PEX5L: variants seen among roughly 807,000 people sequenced by gnomAD.
PEX5L encodes PEX5-related protein.
In PEX5L, 30 loss-of-function variants were observed where a neutral mutation model predicts 84.0. The observed-to-expected ratio is 0.36, with a 90% CI of 0.27 to 0.48. The LOEUF is 0.48. Ranked by LOEUF, PEX5L falls within the 20% of genes least tolerant of loss-of-function variation. PEX5L has a pLI of 0.99. For missense variants in PEX5L, 533 were observed against 754.6 expected (o/e 0.71, Z 3.44); for synonymous variants, 270 against 283.1 (o/e 0.95, Z 0.46).
intron 8 of PEX5L, among the ~76,000 whole-genome samples, chr3:179,830,215 G>A (rs138135718): frequency 6.6e-6 from 1 of 151,902 alleles, no homozygotes; most frequent in Non-Finnish European, 1.5e-5. Flanking sequence ...TTTTGGCAGA[G>A]AAAGTCCAAT....
chr3:179,894,923 G>A (rs1274671367), intron 3 of PEX5L, among the ~76,000 whole-genome samples: 2 of 152,032 alleles, frequency 1.3e-5, no homozygotes, highest in African/African-American at 2.4e-5. Flanking sequence ...AGAGAGAAAA[G>A]TATTCACTAA....
chr3:179,810,315 C>T (rs1419639790), intron 11 of PEX5L, among the ~76,000 whole-genome samples: 1 of 151,838 alleles, frequency 6.6e-6, no homozygotes, highest in Non-Finnish European at 1.5e-5. Flanking sequence ...CCTCTACTAC[C>T]AATATATTAA....
chr3:179,934,659 A>T (rs1432339899), intron 2 of PEX5L, among the ~76,000 whole-genome samples: 1 of 152,212 alleles, frequency 6.6e-6, no homozygotes, highest in Non-Finnish European at 1.5e-5. Flanking sequence ...AATAAAAATT[A>T]TCTAACCAGA....
At chr3:179,976,200 G>C (rs1044623145) in intron 1 of PEX5L, among the ~76,000 whole-genome samples, 3 of 152,194 alleles carry the variant, frequency 2.0e-5, no homozygotes, top group Non-Finnish European at 4.4e-5. Flanking sequence ...CGAATTAGTG[G>C]AATACAGTCA....
At chr3:179,834,309 G>T (rs927766329) in intron 8 of PEX5L, among the ~76,000 whole-genome samples, 9 of 152,234 alleles carry the variant, frequency 5.9e-5, no homozygotes, top group African/African-American at 2.2e-4. Flanking sequence ...ATTCCACCCA[G>T]GTGCCTTCCT....
chr3:179,865,743 T>C (rs904890858), intron 7 of PEX5L, among the ~76,000 whole-genome samples: 22 of 152,154 alleles, frequency 1.4e-4, no homozygotes, highest in African/African-American at 5.1e-4. Flanking sequence ...AAATGCAGAT[T>C]GCTAGGCCCC....
rs115101489 is a variant in PEX5L, at chr3:179,924,308, T to C, written c.94-26062A>G. On this transcript the variant is annotated intron_variant, in intron 2 of 14. Transcript: ENST00000467460. Reference sequence around the variant, plus strand: ...CTGTAGTTATTTATGGGCATGCCATTACTCCCCAGCTAGATGCCACCTTCT... The same window carrying C: ...CTGTAGTTATTTATGGGCATGCCATCACTCCCCAGCTAGATGCCACCTTCT... Among the ~76,000 whole-genome samples the C allele has an allele frequency of 1.5e-3, 222 of 152,296 alleles. 1 individual carries two copies. Among genetic ancestry groups the C allele is most frequent in the African/African-American group, 5.2e-3 (216 of 41,568 alleles).
intron 3 of PEX5L, among the ~76,000 whole-genome samples, chr3:179,897,219 C>T (rs138368130): frequency 9.1e-4 from 139 of 151,964 alleles, no homozygotes; most frequent in African/African-American, 3.1e-3. Context: ...GGACATTTTT[C>T]GAATTCTAGG....
intron 1 of PEX5L, among the ~76,000 whole-genome samples, chr3:180,019,796 G>C (rs1790273466): frequency 6.6e-6 from 1 of 152,130 alleles, no homozygotes; most frequent in Non-Finnish European, 1.5e-5. Context: ...TAAATGATGG[G>C]AAGTAGTGGT....
At chr3:180,019,094 G>A (rs1329444756) in intron 1 of PEX5L, among the ~76,000 whole-genome samples, 1 of 152,142 alleles carries the variant, frequency 6.6e-6, no homozygotes, top group Non-Finnish European at 1.5e-5. Context: ...ACGTGTGAAG[G>A]AAGTGTGCCA....
intron 2 of PEX5L, among the ~76,000 whole-genome samples, chr3:179,938,373 C>T (rs1243255321): frequency 6.6e-6 from 1 of 152,164 alleles, no homozygotes; most frequent in Non-Finnish European, 1.5e-5. Flanking sequence ...ATCTGTTAAT[C>T]CCTTCAAAAT....
chr3:179,859,889 TATTA>T (rs767277747), intron 7 of PEX5L, among the ~76,000 whole-genome samples: 3 of 149,236 alleles, frequency 2.0e-5, no homozygotes, highest in East Asian at 3.9e-4. Flanking sequence ...TTTAAAATGT[TATTA>T]ATTTTTAATT....
chr3:179,988,388 C>CAAAAAATAAATA (rs1553924177), intron 1 of PEX5L, among the ~76,000 whole-genome samples: 1 of 143,446 alleles, frequency 7.0e-6, no homozygotes, highest in Non-Finnish European at 1.5e-5. Context: ...AAATCTGCCT[C>CAAAAAATAAATA]AATAAATAAA....
intron 2 of PEX5L, among the ~76,000 whole-genome samples, chr3:179,962,853 T>C (rs1782413873): frequency 6.6e-6 from 1 of 152,230 alleles, no homozygotes; most frequent in African/African-American, 2.4e-5. Flanking sequence ...GCTCATGTCA[T>C]TTCAATTATG....
At chr3:179,905,110 T>C (rs1411328944) in intron 2 of PEX5L, among the ~76,000 whole-genome samples, 4 of 152,152 alleles carry the variant, frequency 2.6e-5, no homozygotes, top group African/African-American at 9.7e-5. Flanking sequence ...TAAAACACAC[T>C]CTCTAAAAGC....
chr3:179,808,979 C>G (rs1403096959), intron 12 of PEX5L, among the ~76,000 whole-genome samples: 1 of 133,582 alleles, frequency 7.5e-6, no homozygotes, highest in Non-Finnish European at 1.5e-5. Context: ...GAGGCTGAGG[C>G]AGGAGAATGG....
chr3:180,003,403 G>T (rs201503454), intron 1 of PEX5L, among the ~76,000 whole-genome samples: 1 of 151,356 alleles, frequency 6.6e-6, no homozygotes, highest in Non-Finnish European at 1.5e-5. Context: ...GAAAAAAAAA[G>T]AAAAAAATAA....
intron 2 of PEX5L, among the ~76,000 whole-genome samples, chr3:179,946,829 C>A (rs1349038119): frequency 6.6e-6 from 1 of 152,208 alleles, no homozygotes; most frequent in Admixed American, 6.5e-5. Context: ...GTGGAGGCAG[C>A]TTTTTCCAGT....
intron 2 of PEX5L, among the ~76,000 whole-genome samples, chr3:179,945,009 T>A (rs1455764010): frequency 6.6e-6 from 1 of 152,250 alleles, no homozygotes; most frequent in Non-Finnish European, 1.5e-5. Context: ...ATTTCAAAGT[T>A]ACATTTGAAA....
Sources: allele counts gnomAD v4.1 joint callset (sites outside exome capture counted in the v4.1 genomes callset), GRCh38; gene constraint gnomAD v4.1.1; transcripts MANE v1.5; gene names NCBI Gene and HGNC (gene_info 2026-07-23, HGNC 2026-07-21).